Variants in USP31 observed in about 807,000 individuals in gnomAD.
The protein encoded by USP31 is ubiquitin carboxyl-terminal hydrolase 31.
A neutral mutation model predicts 119.4 loss-of-function variants in USP31; 44 were observed. The observed-to-expected ratio is 0.37, with a 90% CI of 0.29 to 0.47. The LOEUF is 0.47. Among genes scored for constraint, USP31 ranks in the 20% least tolerant of loss-of-function variants. USP31 has a pLI of 0.99. For synonymous variants in USP31, 749 were observed against 705.6 expected (o/e 1.06, Z -0.97); for missense variants, 1,643 against 1,730.2 (o/e 0.95, Z 0.89).
intron 6 of USP31, among the ~76,000 whole-genome samples, chr16:23,091,676 C>A (rs113774925): frequency 0.025 from 3,786 of 152,254 alleles, 58 homozygotes; most frequent in African/African-American, 0.04. Flanking sequence ...GATACCTCAA[C>A]ATTATAACAA....
Position 23,068,812 on chromosome 16 carries a change from T to C in USP31, c.3293A>G (p.Glu1098Gly), listed in dbSNP as rs1215109056. 6.4e-7 allele frequency: 1 copy of C among 1,556,114 alleles called. No individual in the cohort carries two copies. The change falls in exon 16 of 16, where the codon GAG becomes GGG. Residue 1098 changes from glutamate to glycine, a missense_variant. Transcript: ENST00000219689. ...SSPAPAQPKK[E>G]SSPKSQDSVS... ...GGAGTCCTGAGATTTCGGGGATGAC[T>C]CCTTTTTGGGTTGGGCAGGGGCAGG...
At chr16:23,111,115 G>T (rs966390028) in intron 1 of USP31, among the ~76,000 whole-genome samples, 1 of 152,042 alleles carries the variant, frequency 6.6e-6, no homozygotes, top group Non-Finnish European at 1.5e-5. Flanking sequence ...ACGACAGAGC[G>T]AGACTCCGTC....
intron 1 of USP31, among the ~76,000 whole-genome samples, chr16:23,147,697 C>A (rs1036101105): frequency 6.6e-6 from 1 of 152,152 alleles, no homozygotes; most frequent in Non-Finnish European, 1.5e-5. Flanking sequence ...GAGGCCAAAG[C>A]GGGGAGAGTG....
rs999164777 is a variant in USP31 at position 23,069,417 on chromosome 16, C to T, written c.2688G>A (p.Leu896=). 6.2e-7 allele frequency: 1 copy of T among 1,613,864 alleles called. No individual in the cohort carries two copies. The highest frequency in any genetic ancestry group is 1.7e-5 in the Admixed American group (1 of 60,006). ...CATCTGCTGCCTCCCCAATCTTCTC[C>T]AAGGTGGAAGCAGAGCTGTGAATTG... ...DSPIHSSAST[L]EKIGEAADDK... is the part of the protein sequence containing the mutation. Residue 896 remains leucine, a synonymous_variant, in exon 16 of 16, where the codon TTG becomes TTA. Coordinates refer to ENST00000219689, the MANE Select transcript of USP31 (RefSeq NM_020718.4).
At chr16:23,098,255 C>T (rs1901701217) in intron 6 of USP31, among the ~76,000 whole-genome samples, 1 of 152,082 alleles carries the variant, frequency 6.6e-6, no homozygotes, top group East Asian at 1.9e-4. Flanking sequence ...ACCTAGGAAT[C>T]CAACTTACAA....
intron 14 of USP31, 170 bp from the exon 15 acceptor site, chr16:23,072,367 T>A (rs553416359): frequency 1.2e-6 from 1 of 848,128 alleles, no homozygotes; most frequent in African/African-American, 1.7e-5. Flanking sequence ...TGTCCGAATA[T>A]CCCCAGTTAA....
chr16:23,133,892 A>C (rs1021973286), intron 1 of USP31, among the ~76,000 whole-genome samples: 1 of 152,132 alleles, frequency 6.6e-6, no homozygotes, highest in Admixed American at 6.5e-5. Context: ...CCTGGGCAAC[A>C]TGGCAAAACC....
intron 6 of USP31, among the ~76,000 whole-genome samples, chr16:23,099,002 C>A (rs539891766): frequency 6.6e-6 from 1 of 152,164 alleles, no homozygotes; most frequent in East Asian, 1.9e-4. Flanking sequence ...AGCTTCTGCA[C>A]GGCAAAAGAA....
At chr16:23,083,880 C>CA (rs1237729766) in intron 11 of USP31, among the ~76,000 whole-genome samples, 1 of 152,072 alleles carries the variant, frequency 6.6e-6, no homozygotes, top group African/African-American at 2.4e-5. Flanking sequence ...GAATTTAAGA[C>CA]AGAGAACAAC....
At position 23,072,316 on chromosome 16, in the gene USP31, G is replaced by A. The variant is rs750011460; in HGVS notation, c.2336-119C>T. On this transcript the variant is annotated intron_variant, in intron 14 of 15. Coordinates refer to ENST00000219689, the MANE Select transcript of USP31 (RefSeq NM_020718.4). The stretch of plus-strand genomic sequence containing the variant: ...TGGGGGGCGTTGATGTCCTCACCCC[G>A]AGGTCAGCATCAATTCCCAGACCCT... 26 of 1,372,348 alleles carry A rather than the reference G, an allele frequency of 1.9e-5. No homozygotes were observed. In the South Asian group the frequency reaches 2.3e-4, roughly 12 times the overall value. The allele number at this position is 1,372,348 out of a possible 1,614,324, so 85.0% of individuals were successfully genotyped here. A position where few individuals can be genotyped will look rare whatever the true frequency, so the allele number is the denominator to read the frequency against.
In USP31 at chr16:23,069,282, A is replaced by C. The variant is rs753461812; in HGVS notation, c.2823T>G (p.Pro941=). Residue 941 remains proline, a synonymous_variant, in exon 16 of 16, where the codon CCT becomes CCG. Coordinates refer to ENST00000219689, the MANE Select transcript of USP31 (RefSeq NM_020718.4). ...TGAACACGCCTTCCATGACAGCCAG[A>C]GGGGCCCGGCCCACAGCCTTGTGCT... The part of the protein sequence containing the change: ...RREHKAVGRA[P]LAVMEGVFKD... The C allele has an allele frequency of 3.7e-6, 6 of 1,612,248 alleles. No individual in the cohort carries two copies. The highest frequency in any genetic ancestry group is 5.1e-6 in the Non-Finnish European group (6 of 1,179,096).
At chr16:23,089,903 T>C (rs573570129) in intron 7 of USP31, among the ~76,000 whole-genome samples, 6 of 152,122 alleles carry the variant, frequency 3.9e-5, no homozygotes, top group Non-Finnish European at 8.8e-5. Context: ...CATACTTCAA[T>C]TCAACTTGGG....
intron 2 of USP31, among the ~76,000 whole-genome samples, chr16:23,106,903 G>C (rs766903826): frequency 1.2e-4 from 18 of 151,948 alleles, no homozygotes; most frequent in Non-Finnish European, 2.2e-4. Flanking sequence ...ACTTGAGGTC[G>C]GGAGTTCGAG....
rs188153706 is a variant in USP31, at chr16:23,081,445, G to A, written c.1950+993C>T. On this transcript the variant is annotated intron_variant, in intron 12 of 15. Coordinates refer to ENST00000219689, the MANE Select transcript of USP31 (RefSeq NM_020718.4). ...TCTGTGTGTTGCCCCTGATACCTCC[G>A]CCTCCTCAGACAGTCCTCAACATCT... Among the ~76,000 whole-genome samples, 536 of 152,138 alleles carry A rather than the reference G, an allele frequency of 3.5e-3. 1 individual carries two copies. Among genetic ancestry groups the A allele is most frequent in the Non-Finnish European group, 6.1e-3 (412 of 67,984 alleles).
At chr16:23,100,961 A>G (rs1024359005) in intron 6 of USP31, among the ~76,000 whole-genome samples, 1 of 152,188 alleles carries the variant, frequency 6.6e-6, no homozygotes, top group Non-Finnish European at 1.5e-5. Context: ...GAAGGAGAGA[A>G]AATGGAGTAG....
At chr16:23,099,199 C>T (rs1403133268) in intron 6 of USP31, among the ~76,000 whole-genome samples, 2 of 152,030 alleles carry the variant, frequency 1.3e-5, no homozygotes, top group African/African-American at 2.4e-5. Flanking sequence ...ATTTATGCAG[C>T]CAAAAAACAC....
intron 1 of USP31, among the ~76,000 whole-genome samples, chr16:23,123,630 A>G (rs922619279): frequency 5.9e-5 from 9 of 152,134 alleles, no homozygotes; most frequent in African/African-American, 2.2e-4. Flanking sequence ...AGATGCTCAG[A>G]CTCTAACTCA....
At chr16:23,124,459 A>G (rs543711616) in intron 1 of USP31, among the ~76,000 whole-genome samples, 2 of 152,332 alleles carry the variant, frequency 1.3e-5, no homozygotes, top group African/African-American at 2.4e-5. Context: ...ACGACGATAC[A>G]ATGGCACAGA....
intron 1 of USP31, among the ~76,000 whole-genome samples, chr16:23,126,461 TAAAA>T (rs778289648): frequency 1.5e-5 from 2 of 129,330 alleles, no homozygotes; most frequent in Admixed American, 1.6e-4. Context: ...CGTCTCTACT[TAAAA>T]AAAAAAAAAA....
Sources: allele counts gnomAD v4.1 joint callset (sites outside exome capture counted in the v4.1 genomes callset), GRCh38; gene constraint gnomAD v4.1.1; transcripts MANE v1.5; gene names NCBI Gene and HGNC (gene_info 2026-07-23, HGNC 2026-07-21).